Variants in TRAPPC10 observed in about 807,000 individuals in gnomAD.
TRAPPC10 encodes the protein TRAPP 130 kDa subunit.
TRAPPC10 carries 23 observed loss-of-function variants against 125.5 expected under a neutral mutation model. The ratio of observed to expected loss-of-function variants is 0.18; its 90% confidence interval spans 0.13 to 0.26. The LOEUF (loss-of-function observed/expected upper bound fraction) is 0.26. Ranked by LOEUF, TRAPPC10 falls within the 10% of genes least tolerant of loss-of-function variation. TRAPPC10 has a pLI of 1.00. For missense variants in TRAPPC10, 1,123 were observed against 1,308.4 expected, an observed-to-expected ratio of 0.86 and a Z score of 2.19; for synonymous variants, 509 against 518.0, an observed-to-expected ratio of 0.98 and a Z score of 0.24.
chr21:44,092,738 T>C (rs555669232), intron 19 of TRAPPC10, among the ~76,000 whole-genome samples: 1 of 151,430 alleles, frequency 6.6e-6, no homozygotes, highest in Admixed American at 6.6e-5. Flanking sequence ...CCTAAAATAA[T>C]TTAAATATAA....
At chr21:44,057,244 G>A (rs1187763980) in intron 5 of TRAPPC10, among the ~76,000 whole-genome samples, 3 of 152,026 alleles carry the variant, frequency 2.0e-5, no homozygotes, top group Admixed American at 2.0e-4. Context: ...TGGGATATTG[G>A]TTGCACAATA....
At chr21:44,049,275 A>G (rs977703214) in intron 3 of TRAPPC10, among the ~76,000 whole-genome samples, 1 of 152,216 alleles carries the variant, frequency 6.6e-6, no homozygotes, top group South Asian at 2.1e-4. Flanking sequence ...CAGCACTGCA[A>G]GGGTGATCCT....
intron 7 of TRAPPC10, among the ~76,000 whole-genome samples, chr21:44,073,135 A>G (rs558392320): frequency 1.3e-5 from 2 of 152,088 alleles, no homozygotes; most frequent in South Asian, 2.1e-4. Flanking sequence ...TTTTTTCCCA[A>G]AAGGTTTAAG....
At chr21:44,048,338 C>G (rs1386923236) in intron 3 of TRAPPC10, among the ~76,000 whole-genome samples, 1 of 152,204 alleles carries the variant, frequency 6.6e-6, no homozygotes, top group Non-Finnish European at 1.5e-5. Context: ...GCCCTCCCCA[C>G]CCTCTGGTGG....
chr21:44,060,848 G>A (rs1411921356), intron 6 of TRAPPC10, among the ~76,000 whole-genome samples: 1 of 151,350 alleles, frequency 6.6e-6, no homozygotes, highest in Admixed American at 6.6e-5. Context: ...TGATCCTCTT[G>A]CCTCGGCTTC....
At chr21:44,049,881 T>TC (rs202035505) in intron 3 of TRAPPC10, among the ~76,000 whole-genome samples, 2,552 of 149,930 alleles carry the variant, frequency 0.017, 70 homozygotes, top group African/African-American at 0.058. Context: ...TTTCTTTCTT[T>TC]TTTTTTTGTT....
chr21:44,079,444 G>T, intron 11 of TRAPPC10, 120 bp from the exon 12 acceptor site: 1 of 1,143,778 alleles, frequency 8.7e-7, no homozygotes, highest in Non-Finnish European at 1.2e-6. Context: ...GCTATCTAGA[G>T]ATGTTGAGTC....
At chr21:44,094,037 G>A (rs760135679) in intron 19 of TRAPPC10, 26 bp from the exon 20 acceptor site, 16 of 1,605,470 alleles carry the variant, frequency 1.0e-5, no homozygotes, top group Non-Finnish European at 1.4e-5. Flanking sequence ...TGCTGTGTGA[G>A]CAGTGACCCC....
At chr21:44,027,651 G>T (rs2033188456) in intron 1 of TRAPPC10, among the ~76,000 whole-genome samples, 1 of 152,182 alleles carries the variant, frequency 6.6e-6, no homozygotes, top group South Asian at 2.1e-4. Flanking sequence ...GGGTGAGTAT[G>T]CGTGAAGTGC....
chr21:44,038,167 C>G (rs1020952559), intron 3 of TRAPPC10, among the ~76,000 whole-genome samples: 2 of 152,170 alleles, frequency 1.3e-5, no homozygotes, highest in Non-Finnish European at 2.9e-5. Flanking sequence ...TTAACATACT[C>G]TGTTATAGGT....
At chr21:44,030,817 A>C (rs2033513901) in intron 1 of TRAPPC10, among the ~76,000 whole-genome samples, 1 of 152,222 alleles carries the variant, frequency 6.6e-6, no homozygotes, top group South Asian at 2.1e-4. Context: ...CAAGATAAAA[A>C]GTGATAAGTT....
chr21:44,033,623 G>C (rs2033761906), intron 2 of TRAPPC10, among the ~76,000 whole-genome samples: 1 of 152,218 alleles, frequency 6.6e-6, no homozygotes, highest in Non-Finnish European at 1.5e-5. Context: ...CACTGTAGGA[G>C]GGTCAGGTGG....
chr21:44,078,810 G>A (rs1341325380), intron 11 of TRAPPC10, among the ~76,000 whole-genome samples: 3 of 152,178 alleles, frequency 2.0e-5, no homozygotes, highest in African/African-American at 4.8e-5. Context: ...AGGCAAGGCC[G>A]CACACACCAG....
intron 4 of TRAPPC10, among the ~76,000 whole-genome samples, chr21:44,054,470 A>G (rs186140974): frequency 6.6e-6 from 1 of 152,270 alleles, no homozygotes; most frequent in Non-Finnish European, 1.5e-5. Flanking sequence ...TAATTCAAGT[A>G]AAATATTTAC....
At position 44,082,179 on chromosome 21, in the gene TRAPPC10, T is replaced by C. The variant is rs143299117; in HGVS notation, c.1724-609T>C. 2.2e-4 allele frequency among the ~76,000 whole-genome samples: 34 copies of C among 152,360 alleles called. No individual in the cohort carries two copies. The highest frequency in any genetic ancestry group is 7.7e-4 in the African/African-American group (32 of 41,584). The stretch of plus-strand genomic sequence containing the variant: ...TACTTAACTGGTCACTTCTGCAGCC[T>C]TGTGTATTTTCTAGACAAAACCAAG... On this transcript the variant is annotated intron_variant, in intron 13 of 22. Coordinates refer to ENST00000291574, the MANE Select transcript of TRAPPC10 (RefSeq NM_003274.5). This position sits in a 1 kb window ranked among gnomAD's most constrained non-coding sequence, Gnocchi z 4.4.
chr21:44,049,934 C>T (rs902639323), intron 3 of TRAPPC10, among the ~76,000 whole-genome samples: 1 of 151,362 alleles, frequency 6.6e-6, no homozygotes, highest in African/African-American at 2.4e-5. Context: ...GGATGGAATG[C>T]AGTGGCATGA....
At chr21:44,015,217 TC>T (rs2031682186) in intron 1 of TRAPPC10, among the ~76,000 whole-genome samples, 2 of 152,234 alleles carry the variant, frequency 1.3e-5, no homozygotes, top group Non-Finnish European at 2.9e-5. Context: ...GAATTTTTTT[TC>T]CATAGAATGT....
intron 1 of TRAPPC10, among the ~76,000 whole-genome samples, chr21:44,019,986 C>G (rs1396059537): frequency 6.6e-6 from 1 of 152,056 alleles, no homozygotes; most frequent in East Asian, 1.9e-4. Flanking sequence ...TGTGCTCTCT[C>G]CCTTATGTGG....
intron 5 of TRAPPC10, among the ~76,000 whole-genome samples, chr21:44,057,286 GTCT>G (rs2035672266): frequency 6.6e-6 from 1 of 151,916 alleles, no homozygotes; most frequent in African/African-American, 2.4e-5. Flanking sequence ...CTGAGCTGTA[GTCT>G]TCTCTCTCTC....
Sources: allele counts gnomAD v4.1 joint callset (sites outside exome capture counted in the v4.1 genomes callset), GRCh38; gene constraint gnomAD v4.1.1; non-coding constraint Gnocchi (gnomAD v3.1); transcripts MANE v1.5; gene names NCBI Gene and HGNC (gene_info 2026-07-23, HGNC 2026-07-21).